SPIDR: variants seen among roughly 807,000 people sequenced by gnomAD.
The protein encoded by SPIDR is DNA repair-scaffolding protein.
In SPIDR, 93 loss-of-function variants were observed where a neutral mutation model predicts 104.6. The ratio of observed to expected loss-of-function variants is 0.89; its 90% confidence interval spans 0.75 to 1.06. The LOEUF is 1.06. Ranked by LOEUF, SPIDR falls within the 50% of genes least tolerant of loss-of-function variation. The pLI is 0.00. For missense variants in SPIDR, 1,154 were observed against 1,111.2 expected (o/e 1.04, Z -0.55); for synonymous variants, 431 against 416.9 (o/e 1.03, Z -0.41).
chr8:47,268,118 CT>C (rs2034480276), intron 1 of SPIDR, among the ~76,000 whole-genome samples: 2 of 152,148 alleles, frequency 1.3e-5, no homozygotes, highest in African/African-American at 4.8e-5. Context: ...TGTCTTGGCA[CT>C]TTTTTGTTTT....
intron 8 of SPIDR, among the ~76,000 whole-genome samples, chr8:47,529,385 G>A (rs1367447267): frequency 5.3e-5 from 8 of 151,862 alleles, no homozygotes; most frequent in South Asian, 2.1e-4. Context: ...ATCACTGCAC[G>A]CCTGGGCAAC....
chr8:47,373,169 C>G (rs2058242438), intron 5 of SPIDR, among the ~76,000 whole-genome samples: 1 of 152,174 alleles, frequency 6.6e-6, no homozygotes, highest in African/African-American at 2.4e-5. Flanking sequence ...AGTAGTATTT[C>G]AGATAGGAGT....
chr8:47,424,028 A>AT (rs2066008679), intron 7 of SPIDR, among the ~76,000 whole-genome samples: 1 of 152,192 alleles, frequency 6.6e-6, no homozygotes, highest in African/African-American at 2.4e-5. Flanking sequence ...TTTAGAGATG[A>AT]GGACAATGCA....
chr8:47,490,994 T>A (rs548679899), intron 8 of SPIDR, among the ~76,000 whole-genome samples: 8 of 152,126 alleles, frequency 5.3e-5, no homozygotes, highest in Non-Finnish European at 1.0e-4. Context: ...TAAAGTATAA[T>A]AATAAAATAA....
rs574879359 is a variant in SPIDR, at chr8:47,452,972, C to T, written c.1097+12430C>T. On this transcript the variant is annotated intron_variant, in intron 8 of 19. Coordinates refer to ENST00000297423, the MANE Select transcript of SPIDR (RefSeq NM_001080394.4). Reference sequence around the variant, plus strand: ...ATATAGTTAGAGGGCCCCATCATCGCAGCCCAAGATCTCCTCAAGCTGATA... The same window carrying T: ...ATATAGTTAGAGGGCCCCATCATCGTAGCCCAAGATCTCCTCAAGCTGATA... Among the ~76,000 whole-genome samples, 77 of 152,288 alleles carry T rather than the reference C, an allele frequency of 5.1e-4. No homozygotes were observed. In the South Asian group the frequency reaches 0.014, roughly 27 times the overall value.
At chr8:47,293,842 G>T (rs1043687583) in intron 4 of SPIDR, 25 bp from the exon 5 acceptor site, 4 of 1,583,552 alleles carry the variant, frequency 2.5e-6, no homozygotes, top group Admixed American at 3.5e-5. Flanking sequence ...AGATAATTAA[G>T]CAAGTTAAAA....
chr8:47,348,502 G>A (rs574854001), intron 5 of SPIDR, among the ~76,000 whole-genome samples: 18 of 152,268 alleles, frequency 1.2e-4, no homozygotes, highest in African/African-American at 4.3e-4. Flanking sequence ...CCTGCCTTGC[G>A]AAGTTGGGGA....
intron 8 of SPIDR, among the ~76,000 whole-genome samples, chr8:47,456,562 A>G (rs2154351170): frequency 6.6e-6 from 1 of 152,330 alleles, no homozygotes; most frequent in East Asian, 1.9e-4. Flanking sequence ...AAATTAAACA[A>G]CACAGCCTTA....
At chr8:47,588,856 A>G (rs1214404455) in intron 8 of SPIDR, among the ~76,000 whole-genome samples, 1 of 152,112 alleles carries the variant, frequency 6.6e-6, no homozygotes, top group Non-Finnish European at 1.5e-5. Flanking sequence ...TCAGCCTTCA[A>G]CTTGGTGAAG....
chr8:47,523,437 G>A (rs1320643176), intron 8 of SPIDR, among the ~76,000 whole-genome samples: 1 of 152,204 alleles, frequency 6.6e-6, no homozygotes, highest in African/African-American at 2.4e-5. Flanking sequence ...GTTCAGGGAG[G>A]TTTGAAGATT....
intron 10 of SPIDR, among the ~76,000 whole-genome samples, chr8:47,657,759 A>G (rs1020226604): frequency 9.2e-5 from 14 of 152,172 alleles, no homozygotes; most frequent in African/African-American, 3.4e-4. Context: ...GCTTGAAGCA[A>G]TGGCTCTTGC....
At chr8:47,719,621 A>G (rs774096607) in intron 16 of SPIDR, among the ~76,000 whole-genome samples, 4 of 152,272 alleles carry the variant, frequency 2.6e-5, no homozygotes, top group Admixed American at 6.5e-5. Context: ...CAGCTGGCCC[A>G]GGCACTGGGC....
chr8:47,333,176 G>T (rs1554605807), intron 5 of SPIDR, among the ~76,000 whole-genome samples: 1 of 152,094 alleles, frequency 6.6e-6, no homozygotes, highest in Non-Finnish European at 1.5e-5. Context: ...AACACTCATG[G>T]AGCTGTCATC....
Position 47,508,283 on chromosome 8 carries a change from C to G in SPIDR, c.1097+67741C>G, listed in dbSNP as rs192131944. Among the ~76,000 whole-genome samples the G allele has an allele frequency of 2.5e-3, 373 of 152,244 alleles. 1 individual carries two copies. The highest frequency in any genetic ancestry group is 6.5e-3 in the Admixed American group (100 of 15,292). ...AAGCAAGTAGCTTTCTGTTTTCCTGCTATTGGGATAGGAAAACACGTACAT... is the reference window on the plus strand; with the variant it reads ...AAGCAAGTAGCTTTCTGTTTTCCTGGTATTGGGATAGGAAAACACGTACAT... On this transcript the variant is annotated intron_variant, in intron 8 of 19. Coordinates refer to ENST00000297423, the MANE Select transcript of SPIDR (RefSeq NM_001080394.4).
chr8:47,546,756 ATTT>A (rs1303341225), intron 8 of SPIDR: 2 of 173,458 alleles, frequency 1.2e-5, no homozygotes, highest in African/African-American at 4.8e-5. Context: ...ATGCCACATT[ATTT>A]TTAATTATGT....
At chr8:47,403,602 A>G (rs1034033842) in intron 6 of SPIDR, among the ~76,000 whole-genome samples, 5 of 152,196 alleles carry the variant, frequency 3.3e-5, no homozygotes, top group African/African-American at 4.8e-5. Flanking sequence ...CCCATTCACA[A>G]TTGCTTCAAA....
intron 8 of SPIDR, chr8:47,592,301 G>A (rs1235532209): frequency 2.1e-5 from 23 of 1,095,622 alleles, no homozygotes; most frequent in Middle Eastern, 4.0e-4. Context: ...AACTGTGTGC[G>A]GATCTGCAGT....
chr8:47,324,724 G>A (rs1554599314), intron 5 of SPIDR, among the ~76,000 whole-genome samples: 1 of 152,206 alleles, frequency 6.6e-6, no homozygotes, highest in Non-Finnish European at 1.5e-5. Flanking sequence ...GGAAGAGGAA[G>A]TCTAGGTTGA....
chr8:47,320,732 G>C (rs1313432526), intron 5 of SPIDR, among the ~76,000 whole-genome samples: 3 of 152,036 alleles, frequency 2.0e-5, no homozygotes, highest in African/African-American at 7.2e-5. Flanking sequence ...AGCATCACAT[G>C]GAAAAGCTTA....
Sources: allele counts gnomAD v4.1 joint callset (sites outside exome capture counted in the v4.1 genomes callset), GRCh38; gene constraint gnomAD v4.1.1; transcripts MANE v1.5; gene names NCBI Gene and HGNC (gene_info 2026-07-23, HGNC 2026-07-21).